MAMDC2: variants seen among roughly 807,000 people sequenced by gnomAD.
MAMDC2 encodes the protein MAM domain-containing protein 2.
A neutral mutation model predicts 89.8 loss-of-function variants in MAMDC2; 57 were observed. The observed-to-expected ratio is 0.63, with a 90% CI of 0.51 to 0.79. MAMDC2 has a LOEUF of 0.79. Among genes scored for constraint, MAMDC2 ranks in the 30% least tolerant of loss-of-function variants. The pLI, the probability that MAMDC2 is intolerant of heterozygous loss-of-function variation, is 0.00. For missense variants in MAMDC2, 800 were observed against 820.6 expected (o/e 0.97, Z 0.31); for synonymous variants, 313 against 293.4 (o/e 1.07, Z -0.68).
chr9:70,217,136 T>C (rs1201969601), intron 11 of MAMDC2: 1 of 562,324 alleles, frequency 1.8e-6, no homozygotes, highest in African/African-American at 1.9e-5. Flanking sequence ...AAAGGCAATT[T>C]AAAAATATTA....
Position 70,109,872 on chromosome 9 carries a change from G to C in MAMDC2, c.505+68G>C. 6 of 1,303,112 alleles carry C rather than the reference G, an allele frequency of 4.6e-6. No homozygotes were observed. The Admixed American group carries it at 6.8e-5, about 15-fold the overall frequency. The allele number at this position is 1,303,112 out of a possible 1,614,324, so 80.7% of individuals were successfully genotyped here. A position where few individuals can be genotyped will look rare whatever the true frequency, so the allele number is the denominator to read the frequency against. On this transcript the variant is annotated intron_variant, in intron 4 of 13. Coordinates refer to ENST00000377182, the MANE Select transcript of MAMDC2 (RefSeq NM_153267.5). Reference sequence around the variant, plus strand: ...TTCTAAAAGTTACTGTTGCCAGAGGGAACTGAATCAATCCTAAAGACCAAC... The same window carrying C: ...TTCTAAAAGTTACTGTTGCCAGAGGCAACTGAATCAATCCTAAAGACCAAC...
chr9:70,196,523 C>T (rs2148856), intron 11 of MAMDC2, among the ~76,000 whole-genome samples: 20,329 of 151,990 alleles, frequency 0.13, 1,661 homozygotes, highest in African/African-American at 0.23. Flanking sequence ...TGACACCAAG[C>T]CATTTACTGC....
At chr9:70,127,559 G>A (rs933476304) in intron 6 of MAMDC2, among the ~76,000 whole-genome samples, 7 of 151,916 alleles carry the variant, frequency 4.6e-5, no homozygotes, top group African/African-American at 1.7e-4. Context: ...GGTTTCGGTG[G>A]TGCCATCTGC....
At chr9:70,128,900 G>A (rs1027309627) in intron 6 of MAMDC2, among the ~76,000 whole-genome samples, 5 of 152,064 alleles carry the variant, frequency 3.3e-5, no homozygotes, top group Non-Finnish European at 5.9e-5. Flanking sequence ...CAAATGATCC[G>A]CCCACCTCAG....
chr9:70,163,952 C>CAAAAAAAA (rs34029718), intron 9 of MAMDC2, among the ~76,000 whole-genome samples: 5 of 70,078 alleles, frequency 7.1e-5, no homozygotes, highest in Non-Finnish European at 1.1e-4. Context: ...GACTCTGTCT[C>CAAAAAAAA]AAAAAAAAAA....
At chr9:70,052,411 A>G (rs1826929187) in intron 2 of MAMDC2, among the ~76,000 whole-genome samples, 1 of 152,140 alleles carries the variant, frequency 6.6e-6, no homozygotes, top group African/African-American at 2.4e-5. Context: ...CTTTACCTGT[A>G]TAATGCTGCT....
chr9:70,193,901 A>G (rs1227110701), intron 11 of MAMDC2: 2 of 152,108 alleles, frequency 1.3e-5, no homozygotes, highest in African/African-American at 4.8e-5. Flanking sequence ...GGGAGGAAAA[A>G]TAAAGGGGAG....
chr9:70,152,281 C>A (rs1183867554), intron 9 of MAMDC2, among the ~76,000 whole-genome samples: 3 of 132,286 alleles, frequency 2.3e-5, no homozygotes, highest in Non-Finnish European at 5.2e-5. Context: ...TGAAGCAACG[C>A]TAAGAGTTTC....
intron 2 of MAMDC2, among the ~76,000 whole-genome samples, chr9:70,084,191 C>G (rs1034130413): frequency 1.3e-5 from 2 of 152,052 alleles, no homozygotes. Flanking sequence ...ACCCTTAAAT[C>G]TCTCACTCAG....
chr9:70,064,263 A>C (rs1179737156), intron 2 of MAMDC2, among the ~76,000 whole-genome samples: 1 of 152,026 alleles, frequency 6.6e-6, no homozygotes, highest in Non-Finnish European at 1.5e-5. Flanking sequence ...TTTGTGCCCC[A>C]TCACCCGAGC....
intron 7 of MAMDC2, among the ~76,000 whole-genome samples, chr9:70,139,119 T>TTTA (rs910085982): frequency 3.1e-4 from 47 of 151,144 alleles, no homozygotes; most frequent in East Asian, 1.5e-3. Flanking sequence ...TTTTTATTTA[T>TTTA]TTATTATTAT....
intron 11 of MAMDC2, among the ~76,000 whole-genome samples, chr9:70,189,462 C>G (rs2032831730): frequency 6.6e-6 from 1 of 152,064 alleles, no homozygotes; most frequent in African/African-American, 2.4e-5. Context: ...GATTCTCATC[C>G]TGAAGTCAGC....
chr9:70,148,992 G>A (rs1182231425), intron 9 of MAMDC2, among the ~76,000 whole-genome samples: 2 of 137,366 alleles, frequency 1.5e-5, no homozygotes, highest in Non-Finnish European at 3.1e-5. Context: ...TTGCGCCACT[G>A]CACTCCAGCC....
intron 5 of MAMDC2, among the ~76,000 whole-genome samples, chr9:70,119,569 C>T (rs2030192194): frequency 6.6e-6 from 1 of 152,208 alleles, no homozygotes; most frequent in African/African-American, 2.4e-5. Context: ...GGATGACTTA[C>T]TGTGGCTTTC....
chr9:70,109,342 G>A, intron 3 of MAMDC2: 1 of 185,546 alleles, frequency 5.4e-6, no homozygotes, highest in Non-Finnish European at 1.1e-5. Flanking sequence ...GCAGAATATA[G>A]GGCTAAAACC....
chr9:70,114,339 G>T (rs918192300), intron 5 of MAMDC2, among the ~76,000 whole-genome samples: 5 of 149,946 alleles, frequency 3.3e-5, no homozygotes, highest in Non-Finnish European at 5.9e-5. Flanking sequence ...TGCTGTGTGA[G>T]AATGTAAGCC....
chr9:70,170,651 G>T lies in MAMDC2; in HGVS notation c.1651+20G>T, dbSNP rs753313751. On this transcript the variant is annotated intron_variant, in intron 11 of 13. Transcript: ENST00000377182. ...GGGTAGGTGAGTTATGCCACGTGGTGCTGTTTCCTAAGGAAAGCTTCTAAA... is the reference window on the plus strand; with the variant it reads ...GGGTAGGTGAGTTATGCCACGTGGTTCTGTTTCCTAAGGAAAGCTTCTAAA... 1 of 1,553,786 alleles carries T rather than the reference G, an allele frequency of 6.4e-7. No individual in the cohort carries two copies. Among genetic ancestry groups the T allele is most frequent in the East Asian group, 2.3e-5 (1 of 42,712 alleles).
chr9:70,068,430 A>G (rs369062546), intron 2 of MAMDC2, among the ~76,000 whole-genome samples: 2 of 152,112 alleles, frequency 1.3e-5, no homozygotes, highest in African/African-American at 2.4e-5. Context: ...CTAAAAGCCA[A>G]TAGGGGGCCA....
rs1453669808 is a variant in MAMDC2 at position 70,200,619 on chromosome 9, T to C, written c.1652-17718T>C. ...CATTGGTAGCTTGATGGGGATGGCA[T>C]TGAATCTGTAAATTACCTTGGGCAG... On this transcript the variant is annotated intron_variant, in intron 11 of 13. Transcript: ENST00000377182. Among the ~76,000 whole-genome samples, 95 of 144,796 alleles carry C rather than the reference T, an allele frequency of 6.6e-4. 1 individual carries two copies. Among genetic ancestry groups the C allele is most frequent in the Middle Eastern group, 7.1e-3 (2 of 280 alleles). 95.0% of individuals were successfully genotyped at this position (144,796 alleles called of 152,430 possible). A position where few individuals can be genotyped will look rare whatever the true frequency, so the allele number is the denominator to read the frequency against.
Sources: allele counts gnomAD v4.1 joint callset (sites outside exome capture counted in the v4.1 genomes callset), GRCh38; gene constraint gnomAD v4.1.1; transcripts MANE v1.5; gene names NCBI Gene and HGNC (gene_info 2026-07-23, HGNC 2026-07-21).